Variants in RBFOX3 observed in about 807,000 individuals in gnomAD.
RBFOX3 encodes the protein RNA binding protein fox-1 homolog 3.
Under a neutral mutation model 48.7 loss-of-function variants are expected in RBFOX3, and 17 were observed. The ratio of observed to expected loss-of-function variants is 0.35; its 90% CI spans 0.24 to 0.52. The LOEUF (loss-of-function observed/expected upper bound fraction) is 0.52, where lower values mean the gene tolerates loss of function less well. Among genes scored for constraint, RBFOX3 ranks in the 20% least tolerant of loss-of-function variants. The probability of loss-of-function intolerance (pLI) is 0.94; values close to 1 mark genes in which losing one functional copy is unlikely to be tolerated. For synonymous variants in RBFOX3, 212 were observed against 209.5 expected (o/e 1.01, Z -0.10); for missense variants, 382 against 497.5 (o/e 0.77, Z 2.21).
chr17:79,635,441 C>T, the RBFOX3 span, among the ~76,000 whole-genome samples: 1 of 152,238 alleles, frequency 6.6e-6, no homozygotes, highest in African/African-American at 2.4e-5. Flanking sequence ...TTCCTGCCTC[C>T]TCCCAGACGA....
At position 79,195,679 on chromosome 17, in the gene RBFOX3, G is replaced by A. The variant is rs545551912; in HGVS notation, c.-34+40087C>T. The stretch of plus-strand genomic sequence containing the variant: ...CTGCTGAGGCCAGTGGTGGGGTGGC[G>A]GGGGTGGCTTTCCTTCTGTGCTCCC... On this transcript the variant is annotated intron_variant, in intron 4 of 14. Transcript: ENST00000693108. The surrounding 1 kb of genome is among the most constrained non-coding windows in gnomAD (Gnocchi z 5.3). Among the ~76,000 whole-genome samples, 15 of 152,316 alleles carry A rather than the reference G, an allele frequency of 9.8e-5. No homozygotes were observed. The South Asian group carries it at 2.9e-3, about 29-fold the overall frequency.
At chr17:79,555,657 G>T (rs1874210996) in intron 1 of RBFOX3, among the ~76,000 whole-genome samples, 1 of 24,436 alleles carries the variant, frequency 4.1e-5, no homozygotes, top group Non-Finnish European at 1.1e-4. Context: ...TGGTGGTGGT[G>T]GTGGTGATGG....
the RBFOX3 span, among the ~76,000 whole-genome samples, chr17:79,645,185 C>T: frequency 6.6e-6 from 1 of 152,164 alleles, no homozygotes; most frequent in Non-Finnish European, 1.5e-5. Context: ...ATCCACACCC[C>T]GCCTTTCGCT....
chr17:79,510,544 T>G (rs1555780609), intron 1 of RBFOX3, among the ~76,000 whole-genome samples: 1 of 152,192 alleles, frequency 6.6e-6, no homozygotes. Context: ...AGGCATCCAT[T>G]AACATTCCCC....
chr17:79,505,759 C>T (rs993936193), intron 1 of RBFOX3, among the ~76,000 whole-genome samples: 8 of 152,236 alleles, frequency 5.3e-5, no homozygotes, highest in South Asian at 4.1e-4. Flanking sequence ...CCACACCGCA[C>T]GCCTCTAAGG....
chr17:79,463,945 C>T (rs1771329736), intron 2 of RBFOX3, among the ~76,000 whole-genome samples: 1 of 152,054 alleles, frequency 6.6e-6, no homozygotes, highest in South Asian at 2.1e-4. Context: ...CCCACCATCG[C>T]CACTGCCACC....
chr17:79,637,717 G>A, the RBFOX3 span, among the ~76,000 whole-genome samples: 22 of 132,792 alleles, frequency 1.7e-4, no homozygotes, highest in African/African-American at 4.0e-4. Flanking sequence ...GAAGGGGAGC[G>A]AAGGCGAAGG....
At chr17:79,298,604 A>G (rs1352107536) in intron 3 of RBFOX3, among the ~76,000 whole-genome samples, 1 of 152,160 alleles carries the variant, frequency 6.6e-6, no homozygotes, top group Non-Finnish European at 1.5e-5. Context: ...CACCAGGAGA[A>G]CAGCAGGGCA....
At chr17:79,524,690 T>C (rs1475790498) in intron 1 of RBFOX3, among the ~76,000 whole-genome samples, 1 of 152,098 alleles carries the variant, frequency 6.6e-6, no homozygotes, top group East Asian at 1.9e-4. Flanking sequence ...CCGGCCGGGC[T>C]GGGAGCGTGG....
At chr17:79,239,868 T>G (rs1033728938) in intron 3 of RBFOX3, among the ~76,000 whole-genome samples, 1 of 152,234 alleles carries the variant, frequency 6.6e-6, no homozygotes, top group South Asian at 2.1e-4. Context: ...AAGCATGGGA[T>G]TGGACACTTT....
intron 3 of RBFOX3, among the ~76,000 whole-genome samples, chr17:79,266,324 G>A (rs1448309482): frequency 1.3e-5 from 2 of 152,156 alleles, no homozygotes; most frequent in African/African-American, 4.8e-5. Flanking sequence ...CGTGGTCCAG[G>A]CACCTTCTCA....
intron 4 of RBFOX3, among the ~76,000 whole-genome samples, chr17:79,218,588 C>A (rs980587983): frequency 1.3e-5 from 2 of 152,112 alleles, no homozygotes; most frequent in African/African-American, 4.8e-5. Flanking sequence ...CAGACCCTAA[C>A]CAGAGACGGA....
chr17:79,660,868 T>C, the RBFOX3 span, among the ~76,000 whole-genome samples: 1 of 152,104 alleles, frequency 6.6e-6, no homozygotes. Context: ...TGCAAAGACA[T>C]GGTATCAACC....
chr17:79,310,804 T>C (rs1242362835), intron 2 of RBFOX3, among the ~76,000 whole-genome samples: 1 of 152,172 alleles, frequency 6.6e-6, no homozygotes, highest in African/African-American at 2.4e-5. Flanking sequence ...CACAGAAACA[T>C]TGCTGTTTCC....
chr17:79,480,799 T>A lies in RBFOX3; in HGVS notation c.-175+1655A>T, dbSNP rs2078666628. 6.6e-6 allele frequency among the ~76,000 whole-genome samples: 1 copy of A among 152,072 alleles called. No individual in the cohort carries two copies. On this transcript the variant is annotated intron_variant, in intron 2 of 14. Transcript: ENST00000693108. The surrounding 1 kb of genome is among the most constrained non-coding windows in gnomAD (Gnocchi z 4.8). ...CCTGGGCAACTGCAGCCCCCACCATTCCCCGTGGTCTTAATGCACTGCATT... is the reference window on the plus strand; with the variant it reads ...CCTGGGCAACTGCAGCCCCCACCATACCCCGTGGTCTTAATGCACTGCATT...
the RBFOX3 span, among the ~76,000 whole-genome samples, chr17:79,654,307 A>G: frequency 6.6e-6 from 1 of 152,150 alleles, no homozygotes; most frequent in Admixed American, 6.5e-5. Flanking sequence ...ACTACCCTCC[A>G]AAGAATTTTT....
At chr17:79,213,540 T>A (rs890633041) in intron 4 of RBFOX3, among the ~76,000 whole-genome samples, 4 of 152,118 alleles carry the variant, frequency 2.6e-5, no homozygotes, top group African/African-American at 9.7e-5. Context: ...GTGGGGCCCA[T>A]CCAGAGGCTC....
chr17:79,405,465 A>G (rs1445852120), intron 2 of RBFOX3, among the ~76,000 whole-genome samples: 2 of 151,750 alleles, frequency 1.3e-5, no homozygotes, highest in African/African-American at 4.9e-5. Flanking sequence ...AGTCTGGGCC[A>G]GGCATGGTGG....
chr17:79,230,100 G>A (rs2060826961), intron 4 of RBFOX3, among the ~76,000 whole-genome samples: 2 of 152,264 alleles, frequency 1.3e-5, no homozygotes, highest in South Asian at 4.2e-4. Context: ...TGGGGGCAAG[G>A]GGGGTGCCGC....
Sources: gnomAD v4.1 joint callset for allele counts (sites outside exome capture counted in the v4.1 genomes callset) on GRCh38, gnomAD v4.1.1 for gene constraint, Gnocchi (gnomAD v3.1) non-coding constraint, MANE v1.5 for transcripts, NCBI Gene and HGNC (gene_info 2026-07-23, HGNC 2026-07-21) for gene names.